MPO: variants seen among roughly 807,000 people sequenced by gnomAD.
The protein encoded by MPO is myeloperoxidase.
In MPO, 57 loss-of-function variants were observed where a neutral mutation model predicts 69.4. The observed-to-expected ratio is 0.82, with a 90% CI of 0.66 to 1.02. The LOEUF is 1.02. Among genes scored for constraint, MPO ranks in the 50% least tolerant of loss-of-function variants. The pLI is 0.00. For synonymous variants in MPO, 426 were observed against 417.1 expected, an observed-to-expected ratio of 1.02 and a Z score of -0.26; for missense variants, 971 against 1,014.1, an observed-to-expected ratio of 0.96 and a Z score of 0.58.
Position 58,275,929 on chromosome 17 carries a change from G to T in MPO, c.1205-227C>A, listed in dbSNP as rs1483558642. ...CAGCTCAGGGCCGCTGCTGGTTGGG[G>T]ATGCTCATTCAATAGGTATCACTTC... On this transcript the variant is annotated intron_variant, in intron 7 of 11. Transcript: ENST00000225275. This position sits in a 1 kb window ranked among gnomAD's most constrained non-coding sequence, Gnocchi z 4.1. Among the ~76,000 whole-genome samples, 2 of 152,188 alleles carry T rather than the reference G, an allele frequency of 1.3e-5. No homozygotes were observed. Among genetic ancestry groups the T allele is most frequent in the Non-Finnish European group, 2.9e-5 (2 of 68,036 alleles).
intron 8 of MPO, chr17:58,274,112 A>T (rs1368972566): frequency 8.6e-6 from 4 of 466,278 alleles, no homozygotes; most frequent in Non-Finnish European, 1.7e-5. Flanking sequence ...AGTGCCCACC[A>T]AGTGCCTGCC....
chr17:58,271,454 T>C (rs745359017), intron 11 of MPO, among the ~76,000 whole-genome samples: 32 of 151,868 alleles, frequency 2.1e-4, no homozygotes, highest in Non-Finnish European at 4.1e-4. Context: ...CAACCAGGGG[T>C]CCAGGTCTTT....
At chr17:58,273,096 C>A (rs956935061) in intron 9 of MPO, among the ~76,000 whole-genome samples, 178 bp from the exon 10 acceptor site, 2 of 152,176 alleles carry the variant, frequency 1.3e-5, no homozygotes, top group African/African-American at 4.8e-5. Context: ...CACTACATGA[C>A]CCCAGGGACA....
Position 58,273,577 on chromosome 17 carries a change from C to T in MPO, c.1458G>A (p.Val486=), listed in dbSNP as rs770220357. Residue 486 remains valine, a synonymous_variant, in exon 9 of 12, where the codon GTG becomes GTA. Coordinates refer to ENST00000225275, the MANE Select transcript of MPO (RefSeq NM_000250.2). ...LPTYRSYNDS[V]DPRIANVFTN... ...TGAAGACGTTGGCGATGCGTGGGTC[C>T]ACTGAGTCATTGTAGGAACGGTACG... 34 of 1,614,096 alleles carry T rather than the reference C, an allele frequency of 2.1e-5. No homozygotes were observed. Among genetic ancestry groups the T allele is most frequent in the Non-Finnish European group, 2.8e-5 (33 of 1,180,038 alleles).
intron 5 of MPO, 32 bp from the exon 6 acceptor site, chr17:58,279,246 G>A: frequency 6.3e-7 from 1 of 1,575,450 alleles, no homozygotes; most frequent in East Asian, 2.3e-5. Context: ...TGGCGCCTGG[G>A]TCCGCGCACC....
intron 10 of MPO, 39 bp downstream of exon 10, chr17:58,272,709 G>A: frequency 6.2e-7 from 1 of 1,604,652 alleles, no homozygotes; most frequent in Non-Finnish European, 8.5e-7. Context: ...GGCAGCTCAG[G>A]GGAGGTGAGC....
intron 8 of MPO, 130 bp from the exon 9 acceptor site, chr17:58,273,799 G>T: frequency 1.6e-6 from 2 of 1,274,848 alleles, no homozygotes; most frequent in Non-Finnish European, 2.2e-6. Context: ...TCTATGGTCA[G>T]GGAATAGCCT....
Position 58,271,873 on chromosome 17 carries a change from G to A in MPO, c.1812C>T (p.Arg604=). Residue 604 remains arginine, a synonymous_variant, in exon 11 of 12, where the codon CGC becomes CGT. Coordinates refer to ENST00000225275, the MANE Select transcript of MPO (RefSeq NM_000250.2). ...TTTCAGGCTGCGGGAGCCCACAGAA[G>A]CGCCTCCAGGCATTGTATCCTGCAT... ...HGLPGYNAWR[R]FCGLPQPETV... 1 of 1,614,092 alleles carries A rather than the reference G, an allele frequency of 6.2e-7. No homozygotes were observed. The highest frequency in any genetic ancestry group is 2.2e-5 in the East Asian group (1 of 44,878).
chr17:58,272,496 G>A (rs148400336), intron 10 of MPO, among the ~76,000 whole-genome samples: 5 of 152,302 alleles, frequency 3.3e-5, no homozygotes, highest in African/African-American at 1.2e-4. Context: ...TCAGACTGTG[G>A]GTTATCATTA....
At chr17:58,274,401 C>T (rs569301169) in intron 8 of MPO, among the ~76,000 whole-genome samples, 120 of 143,530 alleles carry the variant, frequency 8.4e-4, no homozygotes, top group Non-Finnish European at 1.2e-3. Flanking sequence ...TGTATGTCTG[C>T]CTCTGCCTCT....
chr17:58,275,098 C>T lies in MPO; in HGVS notation c.1365+444G>A, dbSNP rs1268758900. Reference sequence around the variant, plus strand: ...CAGCATGGTCTTGATCTCCTGACCTCGTGATCCACCCGCCTCCGCCTCCCA... The same window carrying T: ...CAGCATGGTCTTGATCTCCTGACCTTGTGATCCACCCGCCTCCGCCTCCCA... On this transcript the variant is annotated intron_variant, in intron 8 of 11. Coordinates refer to ENST00000225275, the MANE Select transcript of MPO (RefSeq NM_000250.2). The surrounding 1 kb of genome is among the most constrained non-coding windows in gnomAD (Gnocchi z 4.1). Among the ~76,000 whole-genome samples, 2 of 152,130 alleles carry T rather than the reference C, an allele frequency of 1.3e-5. No homozygotes were observed. Among genetic ancestry groups the T allele is most frequent in the African/African-American group, 4.8e-5 (2 of 41,542 alleles).
rs780848444 is a variant in MPO, at chr17:58,278,990, GGCGGGAAGCAGGGCCACCTTGA to G, written c.881_885+17del. ...CTCCCCTCTCCCAACCCAGGCAGTG[GGCGGGAAGCAGGGCCACCTTGA>G]GCGGGAAGCAGGGCGGCTGCTGAAC... On this transcript the variant is annotated splice_donor_variant and splice_donor_5th_base_variant and coding_sequence_variant and intron_variant, in exon 6 of 12. Transcript: ENST00000225275. LOFTEE classifies it high-confidence loss of function. The G allele has an allele frequency of 1.9e-6, 3 of 1,598,528 alleles. 1 individual carries two copies. Among genetic ancestry groups the G allele is most frequent in the South Asian group, 2.2e-5 (2 of 89,282 alleles).
intron 11 of MPO, among the ~76,000 whole-genome samples, chr17:58,271,094 G>C (rs755899323): frequency 6.6e-6 from 1 of 152,166 alleles, no homozygotes; most frequent in Non-Finnish European, 1.5e-5. Context: ...CCCCTAGCCC[G>C]GCGGCCTCCA....
chr17:58,277,103 G>A (rs1025854096), intron 7 of MPO, among the ~76,000 whole-genome samples: 7 of 150,828 alleles, frequency 4.6e-5, no homozygotes, highest in African/African-American at 1.7e-4. Flanking sequence ...GTGAGATTCC[G>A]TCTTAGAAAA....
intron 7 of MPO, among the ~76,000 whole-genome samples, chr17:58,276,196 T>G (rs1197684527): frequency 6.6e-6 from 1 of 152,176 alleles, no homozygotes; most frequent in Non-Finnish European, 1.5e-5. Context: ...TCCATGCCCA[T>G]GTCTGATGCA....
intron 9 of MPO, 55 bp from the exon 10 acceptor site, chr17:58,272,973 A>C: frequency 1.2e-6 from 2 of 1,602,794 alleles, no homozygotes; most frequent in Non-Finnish European, 8.5e-7. Context: ...ATCAGAGCTC[A>C]GATTGGAGTC....
Position 58,279,640 on chromosome 17 carries a change from A to T in MPO, c.431T>A (p.Leu144Gln), listed in dbSNP as rs772918859. The T allele has an allele frequency of 6.2e-7, 1 of 1,614,114 alleles. No homozygotes were observed. The highest frequency in any genetic ancestry group is 1.3e-5 in the African/African-American group (1 of 75,060). The change falls in exon 4 of 12, where the codon CTG (leucine) becomes CAG (glutamine). Residue 144 changes from leucine (L) to glutamine (Q), a missense_variant. Transcript: ENST00000225275. ...WRRPFNVTDV[L>Q]TPAQLNVLSK... ...CAACACATTCAGCTGGGCGGGCGTC[A>T]GCACATCTGCCGGGGGAAAGAACAA...
chr17:58,276,413 G>C (rs1007404180), intron 7 of MPO, among the ~76,000 whole-genome samples: 1 of 152,150 alleles, frequency 6.6e-6, no homozygotes, highest in African/African-American at 2.4e-5. Flanking sequence ...AGAAAACTAA[G>C]CAGATCCCCC....
At position 58,275,424 on chromosome 17, in the gene MPO, G is replaced by A. The variant is rs1458033429; in HGVS notation, c.1365+118C>T. 5.2e-5 allele frequency: 67 copies of A among 1,287,772 alleles called. No homozygotes were observed. The highest frequency in any genetic ancestry group is 6.7e-5 in the Non-Finnish European group (60 of 895,116). 79.8% of individuals were successfully genotyped at this position (1,287,772 alleles called of 1,614,324 possible). On this transcript the variant is annotated intron_variant, in intron 8 of 11. Coordinates refer to ENST00000225275, the MANE Select transcript of MPO (RefSeq NM_000250.2). This position sits in a 1 kb window ranked among gnomAD's most constrained non-coding sequence, Gnocchi z 4.1. Reference sequence around the variant, plus strand: ...TCATATATGTATTATAATCCTTACAGCCTCATGGATGAAGAAGGCAAGGCT... The same window carrying A: ...TCATATATGTATTATAATCCTTACAACCTCATGGATGAAGAAGGCAAGGCT...
Sources: gnomAD v4.1 joint callset for allele counts (sites outside exome capture counted in the v4.1 genomes callset) on GRCh38, gnomAD v4.1.1 for gene constraint, Gnocchi (gnomAD v3.1) non-coding constraint, MANE v1.5 for transcripts, NCBI Gene and HGNC (gene_info 2026-07-23, HGNC 2026-07-21) for gene names.